Variants in UTP23 observed in about 807,000 individuals in gnomAD.
UTP23 encodes UTP23 small subunit processome component.
Under a neutral mutation model 19.8 loss-of-function variants are expected in UTP23, and 10 were observed. That is an observed-to-expected ratio of 0.50 (90% CI 0.31 to 0.86). UTP23 has a LOEUF of 0.86. Ranked by LOEUF, UTP23 falls within the 40% of genes least tolerant of loss-of-function variation. UTP23 has a pLI of 0.05. For synonymous variants in UTP23, 108 were observed against 105.4 expected (o/e 1.02, Z -0.15); for missense variants, 282 against 293.1 (o/e 0.96, Z 0.28).
intron 2 of UTP23, chr8:116,770,666 C>T (rs569945036): frequency 2.9e-5 from 6 of 203,480 alleles, no homozygotes; most frequent in South Asian, 1.3e-4. Context: ...AGGCTGGTCT[C>T]GAACCCCTAG....
chr8:116,770,314 T>A lies in UTP23; in HGVS notation c.311T>A (p.Leu104Gln). Residue 104 changes from leucine to glutamine, a missense_variant, in exon 2 of 3, where the codon CTG becomes CAG. Coordinates refer to ENST00000309822, the MANE Select transcript of UTP23 (RefSeq NM_032334.3). ...AATGCAGTGAGTGGATCAGAATGTC[T>A]GCTTTCCATGGTTGAAGAGGGAAAT... ...FKNAVSGSEC[L>Q]LSMVEEGNPH... 2 of 1,614,012 alleles carry A rather than the reference T, an allele frequency of 1.2e-6. No individual in the cohort carries two copies. The highest frequency in any genetic ancestry group is 2.2e-5 in the South Asian group (2 of 91,080).
intron 2 of UTP23, chr8:116,770,582 G>GTTTTTTT: frequency 2.4e-6 from 1 of 413,320 alleles, no homozygotes; most frequent in Non-Finnish European, 4.2e-6. Context: ...GTTGGGTTTT[G>GTTTTTTT]TTTTTTTTAA....
Position 116,770,295 on chromosome 8 carries a change from G to GT in UTP23, c.293dup (p.Ser99GlufsTer11). 1 of 1,614,102 alleles carries GT rather than the reference G, an allele frequency of 6.2e-7. No homozygotes were observed. On this transcript the variant is annotated frameshift_variant, in exon 2 of 3. Coordinates refer to ENST00000309822, the MANE Select transcript of UTP23 (RefSeq NM_032334.3). LOFTEE classifies it high-confidence loss of function. ...AAATTGTCCTCATTTCAAGAATGCA[G>GT]TGAGTGGATCAGAATGTCTGCTTTC...
intron 1 of UTP23, among the ~76,000 whole-genome samples, chr8:116,767,851 A>G (rs1815604560): frequency 6.6e-6 from 1 of 152,166 alleles, no homozygotes. Context: ...TAATACCACT[A>G]CTCACGAATA....
intron 2 of UTP23, 133 bp downstream of exon 2, chr8:116,770,499 C>A: frequency 1.3e-6 from 1 of 793,778 alleles, no homozygotes; most frequent in Non-Finnish European, 1.8e-6. Context: ...AATTTGCAGT[C>A]AGTAAAAGCA....
Position 116,774,530 on chromosome 8 carries a change from GAT to G in UTP23, c.*2697_*2698del. On this transcript the variant is annotated 3_prime_UTR_variant, in exon 3 of 3. Transcript: ENST00000309822. Reference sequence around the variant, plus strand: ...TTCCCAATTAGTTTTATATCTCCAAGATATATATATGTATATAGGTATATACA... The same window carrying G: ...TTCCCAATTAGTTTTATATCTCCAAGATATATATGTATATAGGTATATACA... 1.4e-6 allele frequency: 1 copy of G among 721,718 alleles called. No homozygotes were observed. The highest frequency in any genetic ancestry group is 1.7e-6 in the Non-Finnish European group (1 of 590,986). The allele number at this position is 721,718 out of a possible 1,614,324, so 44.7% of individuals were successfully genotyped here. A position where few individuals can be genotyped will look rare whatever the true frequency, so the allele number is the denominator to read the frequency against.
Position 116,772,388 on chromosome 8 carries a change from T to C in UTP23, c.*546T>C, listed in dbSNP as rs1003603500. The C allele has an allele frequency of 1.0e-6, 1 of 973,250 alleles. No individual in the cohort carries two copies. Among genetic ancestry groups the C allele is most frequent in the Non-Finnish European group, 1.2e-6 (1 of 819,034 alleles). 60.3% of individuals were successfully genotyped at this position (973,250 alleles called of 1,614,324 possible). ...AAAAGAGGCAGTCCCTCTTTCACATTGACAGAAGAAACTTCCTCTTTCAAT... is the reference window on the plus strand; with the variant it reads ...AAAAGAGGCAGTCCCTCTTTCACATCGACAGAAGAAACTTCCTCTTTCAAT... On this transcript the variant is annotated 3_prime_UTR_variant, in exon 3 of 3. Coordinates refer to ENST00000309822, the MANE Select transcript of UTP23 (RefSeq NM_032334.3).
intron 1 of UTP23, 194 bp from the exon 2 acceptor site, chr8:116,769,998 G>C (rs1815630033): frequency 1.9e-6 from 1 of 526,448 alleles, no homozygotes; most frequent in Admixed American, 3.3e-5. Context: ...AACATAATAA[G>C]TGCTCAGTTA....
intron 2 of UTP23, 73 bp from the exon 3 acceptor site, chr8:116,771,383 A>G: frequency 8.1e-7 from 1 of 1,232,372 alleles, no homozygotes; most frequent in Non-Finnish European, 1.1e-6. Context: ...TATTTTTAAT[A>G]CAGTTCTTGA....
At position 116,766,811 on chromosome 8, in the gene UTP23, G is replaced by A. The variant is rs1245051296; in HGVS notation, c.188+20G>A. The A allele has an allele frequency of 6.6e-7, 1 of 1,511,490 alleles. No individual in the cohort carries two copies. The highest frequency in any genetic ancestry group is 2.5e-5 in the East Asian group (1 of 40,352). 93.6% of individuals were successfully genotyped at this position (1,511,490 alleles called of 1,614,324 possible). On this transcript the variant is annotated intron_variant, in intron 1 of 2. Transcript: ENST00000309822. Reference sequence around the variant, plus strand: ...CACAAGGTGGGCCCGGGGGGCTGGGGAGGAGGCACAGAGGGTCCGTCGGGT... The same window carrying A: ...CACAAGGTGGGCCCGGGGGGCTGGGAAGGAGGCACAGAGGGTCCGTCGGGT...
At position 116,772,089 on chromosome 8, in the gene UTP23, T is replaced by C. The variant is rs919471337; in HGVS notation, c.*247T>C. On this transcript the variant is annotated 3_prime_UTR_variant, in exon 3 of 3. Coordinates refer to ENST00000309822, the MANE Select transcript of UTP23 (RefSeq NM_032334.3). ...TCCAGCTACTCAGGAGGCTGAGGCA[T>C]GAGAATCGCTTGAACCTGGGAGGCA... 9.0e-7 allele frequency: 1 copy of C among 1,108,094 alleles called. No homozygotes were observed. 68.6% of individuals were successfully genotyped at this position (1,108,094 alleles called of 1,614,324 possible).
rs114669153 is a variant in UTP23 at position 116,772,909 on chromosome 8, G to A, written c.*1067G>A. ...ATAAAATTATTGGACAAGTGAAATC[G>A]TATCAGTAGTTCCTGACTGACAGCT... On this transcript the variant is annotated 3_prime_UTR_variant, in exon 3 of 3. Coordinates refer to ENST00000309822, the MANE Select transcript of UTP23 (RefSeq NM_032334.3). The A allele has an allele frequency of 2.8e-3, 2,731 of 985,372 alleles. 56 individuals are homozygous for A. In the African/African-American group the frequency reaches 0.041, roughly 15 times the overall value. 61.0% of individuals were successfully genotyped at this position (985,372 alleles called of 1,614,324 possible).
chr8:116,766,789 A>G lies in UTP23; in HGVS notation c.186A>G (p.Thr62=). ...YLMGETQLCT[T]RCVLKELETL... is the part of the protein sequence containing the mutation. ...TGGGGGAGACGCAGCTGTGCACCACAAGGTGGGCCCGGGGGGCTGGGGAGG... is the reference window on the plus strand; with the variant it reads ...TGGGGGAGACGCAGCTGTGCACCACGAGGTGGGCCCGGGGGGCTGGGGAGG... Residue 62 remains threonine, a splice_region_variant and synonymous_variant, in exon 1 of 3, where the codon ACA becomes ACG. Coordinates refer to ENST00000309822, the MANE Select transcript of UTP23 (RefSeq NM_032334.3). 6.5e-7 allele frequency: 1 copy of G among 1,545,476 alleles called. No individual in the cohort carries two copies. The highest frequency in any genetic ancestry group is 8.7e-7 in the Non-Finnish European group (1 of 1,144,400).
rs765266195 is a variant in UTP23, at chr8:116,774,248, T to A, written c.*2406T>A. 6.4e-5 allele frequency: 63 copies of A among 985,302 alleles called. No homozygotes were observed. The highest frequency in any genetic ancestry group is 7.1e-5 in the Non-Finnish European group (59 of 829,944). 61.0% of individuals were successfully genotyped at this position (985,302 alleles called of 1,614,324 possible). On this transcript the variant is annotated 3_prime_UTR_variant, in exon 3 of 3. Transcript: ENST00000309822. The stretch of plus-strand genomic sequence containing the variant: ...GTTGTGTATGGGCACGATACTGTAT[T>A]CTTTACATTTTTATGGCCCTACAGC...
chr8:116,766,947 C>A (rs1815590445), intron 1 of UTP23, 156 bp downstream of exon 1: 1 of 708,082 alleles, frequency 1.4e-6, no homozygotes. Flanking sequence ...GGTGGTCAGG[C>A]GAATACCTAT....
chr8:116,772,843 C>T lies in UTP23; in HGVS notation c.*1001C>T. 1 of 985,368 alleles carries T rather than the reference C, an allele frequency of 1.0e-6. No homozygotes were observed. Among genetic ancestry groups the T allele is most frequent in the Non-Finnish European group, 1.2e-6 (1 of 829,900 alleles). The allele number at this position is 985,368 out of a possible 1,614,324, so 61.0% of individuals were successfully genotyped here. ...CCCGGCAATTGTTTTAGTCATTTAT[C>T]AGGCCAAAATTAAAATGTTTTTGTA... On this transcript the variant is annotated 3_prime_UTR_variant, in exon 3 of 3. Transcript: ENST00000309822.
Position 116,774,535 on chromosome 8 carries a change from A to G in UTP23, c.*2693A>G, listed in dbSNP as rs1244725162. 1.4e-6 allele frequency: 1 copy of G among 703,304 alleles called. No homozygotes were observed. The highest frequency in any genetic ancestry group is 1.7e-6 in the Non-Finnish European group (1 of 573,452). 43.6% of individuals were successfully genotyped at this position (703,304 alleles called of 1,614,324 possible). ...AATTAGTTTTATATCTCCAAGATAT[A>G]TATATGTATATAGGTATATACACAT... On this transcript the variant is annotated 3_prime_UTR_variant, in exon 3 of 3. Coordinates refer to ENST00000309822, the MANE Select transcript of UTP23 (RefSeq NM_032334.3).
At position 116,766,524 on chromosome 8, in the gene UTP23, G is replaced by T; in HGVS notation, c.-80G>T. 6.9e-7 allele frequency: 1 copy of T among 1,453,002 alleles called. No individual in the cohort carries two copies. Among genetic ancestry groups the T allele is most frequent in the Non-Finnish European group, 9.2e-7 (1 of 1,085,144 alleles). The allele number at this position is 1,453,002 out of a possible 1,614,324, so 90.0% of individuals were successfully genotyped here. A position where few individuals can be genotyped will look rare whatever the true frequency, so the allele number is the denominator to read the frequency against. Reference sequence around the variant, plus strand: ...AGGCGCTTCATTTCCGGGTGAAACTGGCATTGAGGGTACTGGGGCGTGCGT... The same window carrying T: ...AGGCGCTTCATTTCCGGGTGAAACTTGCATTGAGGGTACTGGGGCGTGCGT... On this transcript the variant is annotated 5_prime_UTR_variant, in exon 1 of 3. Coordinates refer to ENST00000309822, the MANE Select transcript of UTP23 (RefSeq NM_032334.3).
intron 1 of UTP23, among the ~76,000 whole-genome samples, chr8:116,767,486 T>A (rs796889278): frequency 4.6e-5 from 7 of 152,316 alleles, no homozygotes; most frequent in African/African-American, 1.7e-4. Flanking sequence ...TTTCCCCACT[T>A]CATTGAAATG....
Sources: gnomAD v4.1 joint callset for allele counts (sites outside exome capture counted in the v4.1 genomes callset) on GRCh38, gnomAD v4.1.1 for gene constraint, MANE v1.5 for transcripts, NCBI Gene and HGNC (gene_info 2026-07-23, HGNC 2026-07-21) for gene names.